The following DIS3L variants were observed in gnomAD, a reference collection of about 807,000 sequenced individuals.
DIS3L encodes DIS3-like exonuclease 1.
Under a neutral mutation model 120.3 loss-of-function variants are expected in DIS3L, and 100 were observed. The ratio of observed to expected loss-of-function variants is 0.83; its 90% CI spans 0.71 to 0.98. The LOEUF is 0.98. DIS3L is among the 50% of genes least tolerant of loss of function. The probability of loss-of-function intolerance (pLI) is 0.00; values close to 1 mark genes in which losing one functional copy is unlikely to be tolerated. For missense variants in DIS3L, 1,196 were observed against 1,314.2 expected, an observed-to-expected ratio of 0.91 and a Z score of 1.39; for synonymous variants, 426 against 470.6, an observed-to-expected ratio of 0.91 and a Z score of 1.23.
At chr15:66,331,771 T>C (rs2093000157) in intron 14 of DIS3L, 104 bp from the exon 15 acceptor site, 1 of 1,283,556 alleles carries the variant, frequency 7.8e-7, no homozygotes, top group Admixed American at 2.8e-5. Flanking sequence ...ACAATTTTTA[T>C]ATTAATAGTT....
chr15:66,311,135 AG>A (rs1459864329), intron 4 of DIS3L, among the ~76,000 whole-genome samples: 1 of 151,492 alleles, frequency 6.6e-6, no homozygotes, highest in Non-Finnish European at 1.5e-5. Flanking sequence ...TGGCCAGGGC[AG>A]GAGGATCACT....
intron 14 of DIS3L, chr15:66,329,768 C>T (rs1299657432): frequency 1.3e-5 from 12 of 956,806 alleles, no homozygotes; most frequent in African/African-American, 5.3e-5. Context: ...AAAAATTAGC[C>T]GGGTGTGATG....
At chr15:66,306,266 C>G (rs1003341233) in intron 2 of DIS3L, among the ~76,000 whole-genome samples, 2 of 152,226 alleles carry the variant, frequency 1.3e-5, no homozygotes, top group African/African-American at 2.4e-5. Flanking sequence ...AACCTTAAAA[C>G]TTTCTGTTAG....
intron 2 of DIS3L, among the ~76,000 whole-genome samples, chr15:66,301,383 C>T (rs1029222779): frequency 2.0e-5 from 3 of 151,904 alleles, no homozygotes; most frequent in Non-Finnish European, 2.9e-5. Context: ...TGGGTTTAAG[C>T]GGTTCTCCTG....
intron 14 of DIS3L, chr15:66,330,244 C>T (rs1281099248): frequency 2.0e-5 from 19 of 968,648 alleles, no homozygotes; most frequent in Non-Finnish European, 2.3e-5. Context: ...TTGCAGTGAG[C>T]TGAGATTGCA....
In DIS3L at chr15:66,306,766, A is replaced by G. The variant is rs2092706532; in HGVS notation, c.294-58A>G. 9 of 1,605,858 alleles carry G rather than the reference A, an allele frequency of 5.6e-6. No homozygotes were observed. In the South Asian group the frequency reaches 8.8e-5, roughly 16 times the overall value. On this transcript the variant is annotated intron_variant, in intron 2 of 16. Coordinates refer to ENST00000319212, the MANE Select transcript of DIS3L (RefSeq NM_001143688.3). The stretch of plus-strand genomic sequence containing the variant: ...CCATCCTTTTTTGATCCTTAGCAAG[A>G]GATAGCAGTGGATGAGTACCTGCTT...
rs35711894 is a variant in DIS3L, at chr15:66,329,044, G to A, written c.2276G>A (p.Arg759His). The A allele has an allele frequency of 9.5e-3, 15,403 of 1,614,200 alleles. 96 individuals are homozygous for A. Among genetic ancestry groups the A allele is most frequent in the Non-Finnish European group, 0.011 (13,463 of 1,180,028 alleles). ...PHDPIVNRLLRSMATQAMSNA... is the reference protein window; with the variant it reads ...PHDPIVNRLLHSMATQAMSNA... ...GATCCCATTGTGAACAGGCTACTGC[G>A]CTCCATGGCCACGCAGGCCATGTCG... is the stretch of plus-strand genomic sequence containing the variant. Residue 759 changes from arginine to histidine, a missense_variant, in exon 13 of 17, where the codon CGC (arginine) becomes CAC (histidine). Arg to His is a conservative substitution (Grantham distance 29). Coordinates refer to ENST00000319212, the MANE Select transcript of DIS3L (RefSeq NM_001143688.3).
At position 66,326,057 on chromosome 15, in the gene DIS3L, C is replaced by G; in HGVS notation, c.1894C>G (p.Leu632Val). 6.2e-7 allele frequency: 1 copy of G among 1,614,024 alleles called. No homozygotes were observed. Among genetic ancestry groups the G allele is most frequent in the East Asian group, 2.2e-5 (1 of 44,874 alleles). The change falls in exon 12 of 17, where the codon CTG becomes GTG. Residue 632 changes from leucine (L) to valine (V), a missense_variant. Physicochemically the swap from Leu to Val is conservative, Grantham distance 32. Transcript: ENST00000319212. ...LEELVWAIGK[L>V]TDIARHVRAK... is the part of the protein sequence containing the mutation. The stretch of plus-strand genomic sequence containing the variant: ...GGAGTTGGTGTGGGCAATTGGAAAG[C>G]TGACCGACATAGCTCGCCATGTCAG...
Position 66,311,855 on chromosome 15 carries a change from C to T in DIS3L, c.690C>T (p.Pro230=), listed in dbSNP as rs762236203. The part of the protein sequence containing the change: ...SHGKEYPEHL[P]LEVLEAGIKS... Reference sequence around the variant, plus strand: ...GGAAGGAGTACCCAGAACATCTTCCCCTGGAAGTGTTAGAAGCTGGGATTA... The same window carrying T: ...GGAAGGAGTACCCAGAACATCTTCCTCTGGAAGTGTTAGAAGCTGGGATTA... Residue 230 remains proline (P), a synonymous_variant, in exon 5 of 17, where the codon CCC becomes CCT. Transcript: ENST00000319212. 29 of 1,613,976 alleles carry T rather than the reference C, an allele frequency of 1.8e-5. No homozygotes were observed. The highest frequency in any genetic ancestry group is 2.4e-5 in the Non-Finnish European group (28 of 1,179,994).
chr15:66,312,805 A>G (rs1329260694), intron 5 of DIS3L, among the ~76,000 whole-genome samples: 2 of 152,106 alleles, frequency 1.3e-5, no homozygotes, highest in Non-Finnish European at 2.9e-5. Flanking sequence ...TCTATCGTGG[A>G]TTTTGCATTT....
chr15:66,311,085 A>G (rs2092755728), intron 4 of DIS3L, among the ~76,000 whole-genome samples: 1 of 150,296 alleles, frequency 6.7e-6, no homozygotes, highest in Admixed American at 6.7e-5. Flanking sequence ...ACAAGAATGT[A>G]CACATACTGC....
chr15:66,315,172 C>T lies in DIS3L; in HGVS notation c.951C>T (p.Asp317=), dbSNP rs776180747. ...TAGCCCTGTGTGAGAATGACTGTGACGACAAGGCTTCGGGCGAGTCCCCAA... is the reference window on the plus strand; with the variant it reads ...TAGCCCTGTGTGAGAATGACTGTGATGACAAGGCTTCGGGCGAGTCCCCAA... The part of the protein sequence containing the change: ...RTVALCENDC[D]DKASGESPSE... Residue 317 remains aspartate (D), a synonymous_variant, in exon 7 of 17, where the codon GAC becomes GAT. Coordinates refer to ENST00000319212, the MANE Select transcript of DIS3L (RefSeq NM_001143688.3). 19 of 1,613,834 alleles carry T rather than the reference C, an allele frequency of 1.2e-5. No individual in the cohort carries two copies. Among genetic ancestry groups the T allele is most frequent in the Non-Finnish European group, 1.5e-5 (18 of 1,179,910 alleles).
chr15:66,316,396 G>A (rs1305102497), intron 7 of DIS3L, among the ~76,000 whole-genome samples: 1 of 151,778 alleles, frequency 6.6e-6, no homozygotes, highest in Non-Finnish European at 1.5e-5. Flanking sequence ...TTCCCCCACA[G>A]CTCTCCTGCT....
chr15:66,303,443 A>G (rs995103943), intron 2 of DIS3L, among the ~76,000 whole-genome samples: 1 of 152,168 alleles, frequency 6.6e-6, no homozygotes, highest in Admixed American at 6.6e-5. Flanking sequence ...TCCCCAGGGC[A>G]TTCAGTGCAG....
At position 66,293,591 on chromosome 15, in the gene DIS3L, G is replaced by T; in HGVS notation, c.-6G>T. ...CCACTCCGCGGCCGCCGGGAGACACGCCGCCATGCTGCAGAAGCGGGAGAA... is the reference window on the plus strand; with the variant it reads ...CCACTCCGCGGCCGCCGGGAGACACTCCGCCATGCTGCAGAAGCGGGAGAA... On this transcript the variant is annotated 5_prime_UTR_variant, in exon 1 of 17. Coordinates refer to ENST00000319212, the MANE Select transcript of DIS3L (RefSeq NM_001143688.3). The T allele has an allele frequency of 7.0e-7, 1 of 1,428,668 alleles. No homozygotes were observed. The highest frequency in any genetic ancestry group is 9.2e-7 in the Non-Finnish European group (1 of 1,091,024). 88.5% of individuals were successfully genotyped at this position (1,428,668 alleles called of 1,614,324 possible).
At chr15:66,319,952 T>TAAAAAAA (rs34195061) in intron 8 of DIS3L, among the ~76,000 whole-genome samples, 1 of 108,046 alleles carries the variant, frequency 9.3e-6, no homozygotes. Context: ...CCATTTCTAC[T>TAAAAAAA]AAAAAAAAAA....
intron 5 of DIS3L, among the ~76,000 whole-genome samples, chr15:66,312,438 A>C (rs1021409176): frequency 6.6e-6 from 1 of 152,204 alleles, no homozygotes; most frequent in Non-Finnish European, 1.5e-5. Flanking sequence ...CATATTGAAC[A>C]TCATACAAGC....
chr15:66,299,912 T>C (rs1228231780), intron 2 of DIS3L, among the ~76,000 whole-genome samples: 1 of 151,680 alleles, frequency 6.6e-6, no homozygotes, highest in African/African-American at 2.4e-5. Context: ...TAGCCAGCTG[T>C]GTGTGATGCA....
chr15:66,301,838 ATTAATATTCTTTTGCCG>A (rs573251771), intron 2 of DIS3L, among the ~76,000 whole-genome samples: 132 of 152,346 alleles, frequency 8.7e-4, no homozygotes, highest in African/African-American at 3.1e-3. Context: ...TGCTTTCTGC[ATTAATATTCTTTTGCCG>A]TTTGTTCATT....
Sources: allele counts gnomAD v4.1 joint callset (sites outside exome capture counted in the v4.1 genomes callset), GRCh38; gene constraint gnomAD v4.1.1; transcripts MANE v1.5; gene names NCBI Gene and HGNC (gene_info 2026-07-23, HGNC 2026-07-21).